The following AFG2A variants were observed in gnomAD, a reference collection of about 807,000 sequenced individuals.
The protein encoded by AFG2A is ATPase family gene 2 protein homolog A.
At chr4:123,178,354 C>T in the AFG2A span, among the ~76,000 whole-genome samples, 1 of 152,184 alleles carries the variant, frequency 6.6e-6, no homozygotes, top group African/African-American at 2.4e-5. Flanking sequence ...TATACTACTT[C>T]TGTAAATCCA....
At chr4:123,146,211 G>A in the AFG2A span, among the ~76,000 whole-genome samples, 2 of 152,142 alleles carry the variant, frequency 1.3e-5, no homozygotes, top group African/African-American at 4.8e-5. Flanking sequence ...AAAACTTACT[G>A]TACCAACACT....
At chr4:122,928,245 A>G in the AFG2A span, among the ~76,000 whole-genome samples, 1 of 152,156 alleles carries the variant, frequency 6.6e-6, no homozygotes, top group African/African-American at 2.4e-5. Context: ...CCTGTTCTGT[A>G]TATAAATATT....
chr4:123,026,298 T>C, the AFG2A span, among the ~76,000 whole-genome samples: 1 of 152,178 alleles, frequency 6.6e-6, no homozygotes. Context: ...TCTGTTATTA[T>C]TCACTACAAA....
chr4:123,015,679 C>T, the AFG2A span, among the ~76,000 whole-genome samples: 5 of 151,476 alleles, frequency 3.3e-5, no homozygotes, highest in South Asian at 2.1e-4. Flanking sequence ...CATCATGGCC[C>T]GTTATCAATG....
the AFG2A span, among the ~76,000 whole-genome samples, chr4:123,038,187 G>GT: frequency 1.4e-4 from 21 of 152,084 alleles, no homozygotes; most frequent in African/African-American, 5.1e-4. Context: ...TTGCTAAGCT[G>GT]TGTGACTTTG....
At chr4:123,083,769 C>G in the AFG2A span, among the ~76,000 whole-genome samples, 1 of 151,638 alleles carries the variant, frequency 6.6e-6, no homozygotes, top group African/African-American at 2.4e-5. Context: ...CAATATTTGT[C>G]TGTAGTTTTC....
the AFG2A span, among the ~76,000 whole-genome samples, chr4:123,199,949 A>G: frequency 6.6e-6 from 1 of 152,204 alleles, no homozygotes; most frequent in Non-Finnish European, 1.5e-5. Flanking sequence ...AATTTTTCAG[A>G]TATACATATG....
the AFG2A span, among the ~76,000 whole-genome samples, chr4:123,285,791 A>G: frequency 4.6e-5 from 7 of 152,176 alleles, no homozygotes; most frequent in African/African-American, 9.7e-5. Flanking sequence ...GAACAAATTT[A>G]CCTAAAGGCT....
chr4:122,980,859 T>G, the AFG2A span, among the ~76,000 whole-genome samples: 1 of 152,158 alleles, frequency 6.6e-6, no homozygotes, highest in African/African-American at 2.4e-5. Flanking sequence ...TTTTTGCTTT[T>G]GAGTTGTTTG....
At chr4:123,299,238 T>A in the AFG2A span, among the ~76,000 whole-genome samples, 6 of 152,078 alleles carry the variant, frequency 3.9e-5, no homozygotes. Flanking sequence ...GTGAAGTAAT[T>A]AAGAATTTCT....
the AFG2A span, among the ~76,000 whole-genome samples, chr4:123,244,003 C>A: frequency 6.6e-6 from 1 of 152,022 alleles, no homozygotes; most frequent in Non-Finnish European, 1.5e-5. Context: ...GCATGGGCAA[C>A]AGAGCAAGAC....
At chr4:123,133,334 A>G in the AFG2A span, among the ~76,000 whole-genome samples, 1 of 152,202 alleles carries the variant, frequency 6.6e-6, no homozygotes, top group Non-Finnish European at 1.5e-5. Flanking sequence ...CCAGTTCTTT[A>G]GTGGAAACTG....
chr4:122,979,853 A>G, the AFG2A span, among the ~76,000 whole-genome samples: 136,083 of 152,210 alleles, frequency 0.89, 61,258 homozygotes, highest in East Asian at 0.96. Context: ...AGCCATGGTT[A>G]TGCCACTGCA....
the AFG2A span, among the ~76,000 whole-genome samples, chr4:123,144,799 T>G: frequency 2.6e-5 from 4 of 152,138 alleles, no homozygotes; most frequent in Non-Finnish European, 5.9e-5. Flanking sequence ...TGTTTCTTGA[T>G]TACTTGATGA....
the AFG2A span, chr4:122,935,920 G>C: frequency 7.1e-7 from 1 of 1,412,790 alleles, no homozygotes; most frequent in Non-Finnish European, 9.5e-7. Flanking sequence ...TGATTGTGTA[G>C]TATTCTGTGT....
At chr4:122,926,067 AG>A in the AFG2A span, among the ~76,000 whole-genome samples, 1 of 152,240 alleles carries the variant, frequency 6.6e-6, no homozygotes, top group Non-Finnish European at 1.5e-5. Context: ...CAACTTGAGT[AG>A]ACCTATATAG....
At chr4:123,163,637 GACTT>G in the AFG2A span, among the ~76,000 whole-genome samples, 2 of 152,284 alleles carry the variant, frequency 1.3e-5, no homozygotes, top group African/African-American at 4.8e-5. Flanking sequence ...GTATTTTACA[GACTT>G]ACGTGGATTG....
At chr4:122,975,862 C>T in the AFG2A span, among the ~76,000 whole-genome samples, 602 of 152,140 alleles carry the variant, frequency 4.0e-3, 2 homozygotes, top group African/African-American at 0.013. Flanking sequence ...GCAGATAAAG[C>T]AAGTGGGTAT....
chr4:123,283,874 C>A, the AFG2A span, among the ~76,000 whole-genome samples: 2 of 152,094 alleles, frequency 1.3e-5, no homozygotes, highest in Non-Finnish European at 2.9e-5. Flanking sequence ...GCTGTCTGGC[C>A]CTTTACAGCA....
Sources: allele counts gnomAD v4.1 joint callset (sites outside exome capture counted in the v4.1 genomes callset), GRCh38; gene constraint gnomAD v4.1.1; transcripts MANE v1.5; gene names NCBI Gene and HGNC (gene_info 2026-07-23, HGNC 2026-07-21).